The following NUDT7 variants were observed in gnomAD, a reference collection of about 807,000 sequenced individuals.
NUDT7 encodes nudix hydrolase 7.
Under a neutral mutation model 13.1 loss-of-function variants are expected in NUDT7, and 19 were observed. The observed-to-expected ratio is 1.45, with a 90% CI of 1.01 to 2.13. The LOEUF (loss-of-function observed/expected upper bound fraction) is 2.13, where lower values mean the gene tolerates loss of function less well. Among genes scored for constraint, NUDT7 ranks in the 30% most tolerant of loss-of-function variants. The pLI, the probability that NUDT7 is intolerant of heterozygous loss-of-function variation, is 0.00. For synonymous variants in NUDT7, 132 were observed against 109.7 expected (o/e 1.20, Z -1.27); for missense variants, 360 against 291.7 (o/e 1.23, Z -1.71).
At position 77,725,592 on chromosome 16, in the gene NUDT7, G is replaced by C; in HGVS notation, c.189+8G>C. 6.2e-7 allele frequency: 1 copy of C among 1,611,722 alleles called. No individual in the cohort carries two copies. Among genetic ancestry groups the C allele is most frequent in the Non-Finnish European group, 8.5e-7 (1 of 1,179,092 alleles). ...ACCGTCCGGTCAGAGAAGGTAGGTG[G>C]ACAAAAAATTTCCTGCCCTTAAACC... On this transcript the variant is annotated splice_region_variant and intron_variant, in intron 2 of 3. Transcript: ENST00000268533.
intron 3 of NUDT7, chr16:77,736,768 TG>T: frequency 5.5e-6 from 1 of 180,524 alleles, no homozygotes. Context: ...GCTCAGCTTC[TG>T]ATCTTACTTT....
chr16:77,728,236 G>C (rs1351765445), intron 2 of NUDT7, among the ~76,000 whole-genome samples: 3 of 151,922 alleles, frequency 2.0e-5, no homozygotes, highest in Admixed American at 2.0e-4. Context: ...CCTCGAACAA[G>C]TTTTTCTTTT....
chr16:77,741,640 C>T lies in NUDT7; in HGVS notation c.407C>T (p.Pro136Leu), dbSNP rs751669773. 2.7e-5 allele frequency: 44 copies of T among 1,613,792 alleles called. No homozygotes were observed. Among genetic ancestry groups the T allele is most frequent in the Non-Finnish European group, 3.5e-5 (41 of 1,179,992 alleles). Residue 136 changes from proline (P) to leucine (L), a missense_variant, in exon 4 of 4, where the codon CCG (proline) becomes CTG (leucine). Pro to Leu is a moderately conservative substitution (Grantham distance 98). Transcript: ENST00000268533. Reference sequence around the variant, plus strand: ...ATAGACCACAACTTCCAGGCCCAGCCGAATCCTGCTGAAGTTAAGGATGTA... The same window carrying T: ...ATAGACCACAACTTCCAGGCCCAGCTGAATCCTGCTGAAGTTAAGGATGTA... ...GLIDHNFQAQPNPAEVKDVFL... is the reference protein window; with the variant it reads ...GLIDHNFQAQLNPAEVKDVFL...
intron 3 of NUDT7, among the ~76,000 whole-genome samples, chr16:77,739,796 T>C (rs924580005): frequency 2.0e-5 from 3 of 152,158 alleles, no homozygotes; most frequent in African/African-American, 7.2e-5. Context: ...CACAGAGAGC[T>C]GGGAGTGCCT....
At chr16:77,732,380 G>A (rs371795043) in intron 2 of NUDT7, among the ~76,000 whole-genome samples, 92 of 151,950 alleles carry the variant, frequency 6.1e-4, no homozygotes, top group African/African-American at 2.0e-3. Flanking sequence ...TAGCCTAAGT[G>A]TCTAGTATTT....
intron 1 of NUDT7, among the ~76,000 whole-genome samples, chr16:77,723,505 G>T (rs1340831721): frequency 1.3e-5 from 2 of 151,714 alleles, no homozygotes; most frequent in Non-Finnish European, 2.9e-5. Flanking sequence ...GCCAGCCACA[G>T]TATATGAACT....
In NUDT7 at chr16:77,741,879, C is replaced by G; in HGVS notation, c.646C>G (p.Leu216Val). 1 of 1,614,066 alleles carries G rather than the reference C, an allele frequency of 6.2e-7. No homozygotes were observed. Among genetic ancestry groups the G allele is most frequent in the Non-Finnish European group, 8.5e-7 (1 of 1,179,992 alleles). The change falls in exon 4 of 4, where the codon CTT becomes GTT. Residue 216 changes from leucine (L) to valine (V), a missense_variant. Leu to Val is a conservative substitution (Grantham distance 32). Coordinates refer to ENST00000268533, the MANE Select transcript of NUDT7 (RefSeq NM_001105663.3). The part of the protein sequence containing the change: ...KKPTFEVQFN[L>V]NDVLASSEEL... ...ACCCACCTTTGAGGTTCAATTTAAT[C>G]TTAATGATGTATTAGCATCCTCTGA...
chr16:77,727,717 G>C (rs1035909506), intron 2 of NUDT7, among the ~76,000 whole-genome samples: 1 of 152,074 alleles, frequency 6.6e-6, no homozygotes, highest in African/African-American at 2.4e-5. Flanking sequence ...TTAGCCAGGC[G>C]TGGTGGTGGG....
intron 3 of NUDT7, among the ~76,000 whole-genome samples, chr16:77,737,238 T>C (rs1597118440): frequency 1.3e-5 from 2 of 152,318 alleles, no homozygotes; most frequent in Middle Eastern, 6.8e-3. Flanking sequence ...GATACCATAT[T>C]GTATTTTGTG....
intron 1 of NUDT7, 112 bp from the exon 2 acceptor site, chr16:77,725,319 C>G: frequency 2.2e-6 from 2 of 906,156 alleles, no homozygotes; most frequent in Non-Finnish European, 3.3e-6. Context: ...CACAGAGAGT[C>G]AGAAATGGCA....
chr16:77,731,817 G>A (rs1377048396), intron 2 of NUDT7, among the ~76,000 whole-genome samples: 1 of 151,686 alleles, frequency 6.6e-6, no homozygotes, highest in Non-Finnish European at 1.5e-5. Flanking sequence ...TCTGTGTGTT[G>A]TATCTTAGTT....
At chr16:77,724,715 C>T (rs1417012145) in intron 1 of NUDT7, among the ~76,000 whole-genome samples, 3 of 152,220 alleles carry the variant, frequency 2.0e-5, no homozygotes, top group African/African-American at 4.8e-5. Context: ...CTGTTCAACC[C>T]ACTATACAAA....
chr16:77,730,115 T>G (rs1410841061), intron 2 of NUDT7, among the ~76,000 whole-genome samples: 2 of 152,176 alleles, frequency 1.3e-5, no homozygotes, highest in Admixed American at 6.5e-5. Flanking sequence ...ACATACTATC[T>G]CACATAGTCA....
At chr16:77,736,662 C>G (rs781463254) in intron 3 of NUDT7, 1 of 279,458 alleles carries the variant, frequency 3.6e-6, no homozygotes, top group Non-Finnish European at 7.7e-6. Flanking sequence ...ATGGGGGTCT[C>G]GCTATGTTGA....
At chr16:77,740,377 G>C (rs903613165) in intron 3 of NUDT7, among the ~76,000 whole-genome samples, 2 of 152,024 alleles carry the variant, frequency 1.3e-5, no homozygotes, top group African/African-American at 4.8e-5. Flanking sequence ...TTCCTCTTGG[G>C]ATGCTCCAGG....
chr16:77,726,886 T>A (rs2014154183), intron 2 of NUDT7, among the ~76,000 whole-genome samples: 1 of 152,076 alleles, frequency 6.6e-6, no homozygotes, highest in Non-Finnish European at 1.5e-5. Context: ...CTGCAGGCTG[T>A]ACAGGAAGCA....
chr16:77,725,381 T>C (rs765665105), intron 1 of NUDT7, 50 bp from the exon 2 acceptor site: 18 of 1,553,238 alleles, frequency 1.2e-5, no homozygotes, highest in Non-Finnish European at 1.5e-5. Flanking sequence ...ATAAGCTTTT[T>C]ACCATAACTC....
At chr16:77,723,722 G>C (rs771187346) in intron 1 of NUDT7, among the ~76,000 whole-genome samples, 4 of 151,546 alleles carry the variant, frequency 2.6e-5, no homozygotes, top group Non-Finnish European at 5.9e-5. Context: ...CTTCTGAGTA[G>C]CTGGGATTAC....
At chr16:77,722,839 C>T (rs2014002617) in intron 1 of NUDT7, among the ~76,000 whole-genome samples, 1 of 152,186 alleles carries the variant, frequency 6.6e-6, no homozygotes, top group Admixed American at 6.5e-5. Context: ...GTATGGTTTA[C>T]ATACACGCTG....
Sources: gnomAD v4.1 joint callset for allele counts (sites outside exome capture counted in the v4.1 genomes callset) on GRCh38, gnomAD v4.1.1 for gene constraint, MANE v1.5 for transcripts, NCBI Gene and HGNC (gene_info 2026-07-23, HGNC 2026-07-21) for gene names.